The following LGR6 variants were observed in gnomAD, a reference collection of about 807,000 sequenced individuals.
LGR6 encodes leucine-rich repeat-containing G protein-coupled receptor 6.
In LGR6, 45 loss-of-function variants were observed where a neutral mutation model predicts 69.4. The ratio of observed to expected loss-of-function variants is 0.65; its 90% CI spans 0.51 to 0.83. LGR6 has a LOEUF of 0.83. Among genes scored for constraint, LGR6 ranks in the 40% least tolerant of loss-of-function variants. The probability of loss-of-function intolerance (pLI) is 0.00; values close to 1 mark genes in which losing one functional copy is unlikely to be tolerated. For missense variants in LGR6, 1,108 were observed against 1,246.7 expected, an observed-to-expected ratio of 0.89 and a Z score of 1.68; for synonymous variants, 538 against 555.0, an observed-to-expected ratio of 0.97 and a Z score of 0.43.
Position 202,206,612 on chromosome 1 carries a change from C to T in LGR6, c.212+12411C>T, listed in dbSNP as rs144495788. Among the ~76,000 whole-genome samples the T allele has an allele frequency of 2.5e-3, 375 of 152,182 alleles. 4 individuals are homozygous for T. Among genetic ancestry groups the T allele is most frequent in the African/African-American group, 8.3e-3 (345 of 41,502 alleles). ...TCACCCCGGCTGGAGTGCAATGGTACGATCTCCGCTCACTGCAGCCTCAAC... is the reference window on the plus strand; with the variant it reads ...TCACCCCGGCTGGAGTGCAATGGTATGATCTCCGCTCACTGCAGCCTCAAC... On this transcript the variant is annotated intron_variant, in intron 1 of 17. Coordinates refer to ENST00000367278, the MANE Select transcript of LGR6 (RefSeq NM_001017403.2).
At chr1:202,317,067 TATA>T (rs1209142007) in intron 17 of LGR6, among the ~76,000 whole-genome samples, 1 of 152,186 alleles carries the variant, frequency 6.6e-6, no homozygotes, top group Non-Finnish European at 1.5e-5. Context: ...GCCAGCCTGG[TATA>T]ATATTTGGTC....
At chr1:202,304,047 C>T (rs1572004177) in intron 10 of LGR6, among the ~76,000 whole-genome samples, 1 of 152,252 alleles carries the variant, frequency 6.6e-6, no homozygotes, top group Admixed American at 6.5e-5. Flanking sequence ...CCTGCCCCCA[C>T]AGCCCTCTCC....
intron 2 of LGR6, 54 bp from the exon 3 acceptor site, chr1:202,227,882 A>G (rs1405350589): frequency 7.8e-7 from 1 of 1,276,844 alleles, no homozygotes; most frequent in Admixed American, 1.7e-5. Flanking sequence ...TATGGAGGTC[A>G]CCACCTCCTT....
At chr1:202,234,672 C>A (rs148112994) in intron 3 of LGR6, among the ~76,000 whole-genome samples, 361 of 152,284 alleles carry the variant, frequency 2.4e-3, no homozygotes, top group African/African-American at 8.3e-3. Context: ...TGATAATAAT[C>A]CCTATCTGTT....
chr1:202,204,265 CACACACACACCTCCAA>C (rs1658946277), intron 1 of LGR6, among the ~76,000 whole-genome samples: 3 of 136,864 alleles, frequency 2.2e-5, no homozygotes, highest in Admixed American at 7.3e-5. Context: ...AACCTCCAAA[CACACACACACCTCCAA>C]ACACACACAC....
Position 202,238,725 on chromosome 1 carries a change from AT to A in LGR6, c.428+2746del, listed in dbSNP as rs35307555. 3.0e-3 allele frequency among the ~76,000 whole-genome samples: 436 copies of A among 146,792 alleles called. 1 individual carries two copies. The highest frequency in any genetic ancestry group is 5.0e-3 in the African/African-American group (201 of 39,980). On this transcript the variant is annotated intron_variant, in intron 4 of 17. Transcript: ENST00000367278. ...GGCGTGAGCCATGGGGCCCAGCTCT[AT>A]TTTTTTTTTTTTTAAACAAAATTTT...
At chr1:202,290,846 A>G (rs1016872061) in intron 6 of LGR6, among the ~76,000 whole-genome samples, 1 of 152,212 alleles carries the variant, frequency 6.6e-6, no homozygotes, top group East Asian at 1.9e-4. Flanking sequence ...CCTGGGCAAC[A>G]GGAGCAAAAC....
At chr1:202,208,626 C>T (rs903045943) in intron 1 of LGR6, among the ~76,000 whole-genome samples, 2 of 152,118 alleles carry the variant, frequency 1.3e-5, no homozygotes, top group Admixed American at 1.3e-4. Flanking sequence ...AGAGGAATGC[C>T]TACCCCCCCG....
intron 4 of LGR6, among the ~76,000 whole-genome samples, chr1:202,260,948 G>T (rs2148104107): frequency 6.6e-6 from 1 of 152,068 alleles, no homozygotes; most frequent in East Asian, 1.9e-4. Flanking sequence ...ATGCTTACAA[G>T]ATTTTTTTTC....
In LGR6 at chr1:202,225,479, G is replaced by A. The variant is rs759931781; in HGVS notation, c.269G>A (p.Arg90His). The change falls in exon 2 of 18, where the codon CGC becomes CAC. Residue 90 changes from arginine to histidine, a missense_variant. By Grantham distance (29) the Arg-to-His change is conservative. Coordinates refer to ENST00000367278, the MANE Select transcript of LGR6 (RefSeq NM_001017403.2). ...ELQPGLFHHL[R>H]FLEELRLSGN... ...CAGCCTGGCCTCTTCCACCACCTGC[G>A]CTTCTTGGAGGAGCTGTGAGTAGAT... is the stretch of plus-strand genomic sequence containing the variant. 6 of 1,613,836 alleles carry A rather than the reference G, an allele frequency of 3.7e-6. No homozygotes were observed. Among genetic ancestry groups the A allele is most frequent in the Middle Eastern group, 1.7e-4 (1 of 6,060 alleles).
chr1:202,202,709 C>A (rs1306352591), intron 1 of LGR6, among the ~76,000 whole-genome samples: 1 of 152,200 alleles, frequency 6.6e-6, no homozygotes, highest in African/African-American at 2.4e-5. Flanking sequence ...TTGGGAGGAG[C>A]GGTGGAGGCA....
At chr1:202,203,399 G>A (rs558365576) in intron 1 of LGR6, among the ~76,000 whole-genome samples, 1 of 152,320 alleles carries the variant, frequency 6.6e-6, no homozygotes, top group South Asian at 2.1e-4. Flanking sequence ...TAGAGTGTAT[G>A]TAAGCCCCGG....
intron 1 of LGR6, chr1:202,214,271 A>T: frequency 6.6e-7 from 1 of 1,513,928 alleles, no homozygotes; most frequent in Non-Finnish European, 8.8e-7. Context: ...AGCTCCGGAA[A>T]GTTCCACAGG....
intron 4 of LGR6, among the ~76,000 whole-genome samples, chr1:202,249,576 A>G (rs1663058149): frequency 6.6e-6 from 1 of 152,310 alleles, no homozygotes; most frequent in African/African-American, 2.4e-5. Flanking sequence ...CAAACTGAAC[A>G]TTTCTCAAAG....
chr1:202,243,386 G>A (rs1367058108), intron 4 of LGR6, among the ~76,000 whole-genome samples: 1 of 152,148 alleles, frequency 6.6e-6, no homozygotes, highest in Non-Finnish European at 1.5e-5. Flanking sequence ...ATTGAGCCCT[G>A]GAGACCCTTG....
In LGR6 at chr1:202,303,278, G is replaced by T; in HGVS notation, c.930-1G>T. 1 of 1,613,178 alleles carries T rather than the reference G, an allele frequency of 6.2e-7. No homozygotes were observed. The highest frequency in any genetic ancestry group is 8.5e-7 in the Non-Finnish European group (1 of 1,179,128). Reference sequence around the variant, plus strand: ...TCAGAGCTCATTGTCTCTATTTCCAGATCTCTGAATGGTGCCATGGACATC... The same window carrying T: ...TCAGAGCTCATTGTCTCTATTTCCATATCTCTGAATGGTGCCATGGACATC... On this transcript the variant is annotated splice_acceptor_variant, in intron 9 of 17. Transcript: ENST00000367278. LOFTEE classifies it high-confidence loss of function.
intron 16 of LGR6, among the ~76,000 whole-genome samples, chr1:202,314,245 G>A (rs1002547329): frequency 6.6e-6 from 1 of 152,156 alleles, no homozygotes; most frequent in African/African-American, 2.4e-5. Context: ...CTTTGAGGAC[G>A]GCCATGATAC....
At chr1:202,314,132 A>T (rs184488706) in intron 16 of LGR6, among the ~76,000 whole-genome samples, 5 of 152,212 alleles carry the variant, frequency 3.3e-5, no homozygotes, top group Non-Finnish European at 5.9e-5. Flanking sequence ...TTCGAATCAT[A>T]ATTTGCCTCG....
intron 1 of LGR6, among the ~76,000 whole-genome samples, chr1:202,199,477 C>T (rs1238204183): frequency 6.6e-6 from 1 of 152,224 alleles, no homozygotes; most frequent in Non-Finnish European, 1.5e-5. Context: ...AACCTCTCGG[C>T]TCTGGCAGCA....
Sources: gnomAD v4.1 joint callset for allele counts (sites outside exome capture counted in the v4.1 genomes callset) on GRCh38, gnomAD v4.1.1 for gene constraint, MANE v1.5 for transcripts, NCBI Gene and HGNC (gene_info 2026-07-23, HGNC 2026-07-21) for gene names.